IRAK2: variants seen among roughly 807,000 people sequenced by gnomAD.
The protein encoded by IRAK2 is interleukin-1 receptor-associated kinase-like 2.
In IRAK2, 57 loss-of-function variants were observed where a neutral mutation model predicts 72.0. That is an observed-to-expected ratio of 0.79 (90% CI 0.64 to 0.99). The LOEUF is 0.99. Ranked by LOEUF, IRAK2 falls within the 50% of genes least tolerant of loss-of-function variation. The pLI is 0.00. For missense variants in IRAK2, 790 were observed against 794.4 expected (o/e 0.99, Z 0.07); for synonymous variants, 293 against 312.7 (o/e 0.94, Z 0.67).
intron 4 of IRAK2, among the ~76,000 whole-genome samples, 191 bp downstream of exon 4, chr3:10,209,883 G>A (rs1366280888): frequency 6.6e-6 from 1 of 152,052 alleles, no homozygotes; most frequent in African/African-American, 2.4e-5. Flanking sequence ...GAGGGAGGGA[G>A]GGCACTTCAG....
intron 10 of IRAK2, among the ~76,000 whole-genome samples, chr3:10,231,167 A>G (rs1306684244): frequency 1.3e-5 from 2 of 152,198 alleles, no homozygotes; most frequent in African/African-American, 4.8e-5. Context: ...ATAAGTAAAT[A>G]TAAAACCAAA....
At position 10,222,835 on chromosome 3, in the gene IRAK2, A is replaced by C. The variant is rs1697717565; in HGVS notation, c.1209+4A>C. On this transcript the variant is annotated splice_donor_region_variant and intron_variant, in intron 9 of 12. Transcript: ENST00000256458. ...GGACATCTTCAGCTGTGGAATAGTA[A>C]GAGTGTCCTGCTCTGCGTAGAGTGG... The C allele has an allele frequency of 1.2e-6, 2 of 1,613,692 alleles. No individual in the cohort carries two copies. The highest frequency in any genetic ancestry group is 1.7e-5 in the Admixed American group (1 of 60,024).
intron 2 of IRAK2, among the ~76,000 whole-genome samples, chr3:10,196,666 T>C (rs1259131603): frequency 6.6e-6 from 1 of 152,216 alleles, no homozygotes; most frequent in African/African-American, 2.4e-5. Flanking sequence ...CTTACGTCAG[T>C]GGTTCTGGGA....
intron 2 of IRAK2, among the ~76,000 whole-genome samples, chr3:10,180,657 G>A (rs1696947018): frequency 6.6e-6 from 1 of 152,090 alleles, no homozygotes. Context: ...TTCAGCACCT[G>A]CCTATCCCTC....
At position 10,234,626 on chromosome 3, in the gene IRAK2, G is replaced by C; in HGVS notation, c.1440G>C (p.Leu480=). 1 of 1,613,326 alleles carries C rather than the reference G, an allele frequency of 6.2e-7. No individual in the cohort carries two copies. The highest frequency in any genetic ancestry group is 8.5e-7 in the Non-Finnish European group (1 of 1,179,896). The change falls in exon 11 of 13, where the codon CTG becomes CTC. Residue 480 remains leucine (L), a synonymous_variant. Transcript: ENST00000256458. The part of the protein sequence containing the change: ...CAEALATAAC[L]CLRRRNTSLQ... Reference sequence around the variant, plus strand: ...AGGCCCTGGCCACGGCTGCCTGCCTGTGCCTGCGGAGGCGTAACACCAGCC... The same window carrying C: ...AGGCCCTGGCCACGGCTGCCTGCCTCTGCCTGCGGAGGCGTAACACCAGCC...
At chr3:10,214,018 T>A (rs1697563594) in intron 6 of IRAK2, among the ~76,000 whole-genome samples, 2 of 152,022 alleles carry the variant, frequency 1.3e-5, no homozygotes, top group African/African-American at 2.4e-5. Context: ...AATCTCTGCC[T>A]ACCAGGTTCA....
chr3:10,177,803 C>G (rs940413924), intron 1 of IRAK2, 35 bp from the exon 2 acceptor site: 1 of 1,601,122 alleles, frequency 6.2e-7, no homozygotes, highest in Non-Finnish European at 8.5e-7. Context: ...GACTGCCTCT[C>G]TGACTCTAAG....
In IRAK2 at chr3:10,187,183, T is replaced by C. The variant is rs77528931; in HGVS notation, c.277+9163T>C. ...TTTCAGTCCCTCTATAGGTTGGCTT[T>C]GCAGTGTTAACAAATGTACTTACAT... is the stretch of plus-strand genomic sequence containing the variant. On this transcript the variant is annotated intron_variant, in intron 2 of 12. Transcript: ENST00000256458. 8.4e-3 allele frequency among the ~76,000 whole-genome samples: 1,277 copies of C among 152,048 alleles called. 54 individuals are homozygous for C. Among genetic ancestry groups the C allele is most frequent in the South Asian group, 0.083 (401 of 4,822 alleles).
intron 1 of IRAK2, among the ~76,000 whole-genome samples, chr3:10,170,541 C>T (rs149379558): frequency 3.9e-5 from 6 of 152,286 alleles, no homozygotes; most frequent in Admixed American, 3.9e-4. Flanking sequence ...GTTTCATTTC[C>T]CTCATTCCGC....
rs3952702 is a variant in IRAK2, at chr3:10,219,905, C to T, written c.1013+116C>T. The T allele has an allele frequency of 2.1e-5, 15 of 703,572 alleles. No individual in the cohort carries two copies. In the African/African-American group the frequency reaches 2.3e-4, roughly 11 times the overall value. 43.6% of individuals were successfully genotyped at this position (703,572 alleles called of 1,614,324 possible). A position where few individuals can be genotyped will look rare whatever the true frequency, so the allele number is the denominator to read the frequency against. On this transcript the variant is annotated intron_variant, in intron 8 of 12. Transcript: ENST00000256458. ...CCCCTGTCCTCTTTGTTTTTCTCTT[C>T]CTACCTCCTCTCCTCTGCCCTCCCC...
At chr3:10,189,479 G>A (rs187839596) in intron 2 of IRAK2, among the ~76,000 whole-genome samples, 1 of 152,230 alleles carries the variant, frequency 6.6e-6, no homozygotes, top group Non-Finnish European at 1.5e-5. Flanking sequence ...GGGCCTGTGA[G>A]GTTCCAGATG....
chr3:10,229,121 G>A (rs924195423), intron 10 of IRAK2, among the ~76,000 whole-genome samples: 1 of 151,972 alleles, frequency 6.6e-6, no homozygotes, highest in Non-Finnish European at 1.5e-5. Flanking sequence ...TTTTTTAGTA[G>A]TGACAGGGTT....
intron 7 of IRAK2, 37 bp from the exon 8 acceptor site, chr3:10,219,643 T>C (rs774571788): frequency 2.0e-6 from 3 of 1,503,046 alleles, no homozygotes; most frequent in South Asian, 2.3e-5. Context: ...AAAAGGTACA[T>C]TGTGACTATT....
chr3:10,182,556 C>G (rs1386008999), intron 2 of IRAK2, among the ~76,000 whole-genome samples: 1 of 152,118 alleles, frequency 6.6e-6, no homozygotes, highest in South Asian at 2.1e-4. Context: ...GCTGGGATTA[C>G]AGGCGTGAGC....
At chr3:10,173,499 C>T (rs1173982041) in intron 1 of IRAK2, among the ~76,000 whole-genome samples, 1 of 152,176 alleles carries the variant, frequency 6.6e-6, no homozygotes, top group Non-Finnish European at 1.5e-5. Flanking sequence ...CTCATCCCCT[C>T]AAGATCTCTA....
chr3:10,234,632 G>T lies in IRAK2; in HGVS notation c.1446G>T (p.Leu482=). The change falls in exon 11 of 13, where the codon CTG becomes CTT. Residue 482 remains leucine, a synonymous_variant. Coordinates refer to ENST00000256458, the MANE Select transcript of IRAK2 (RefSeq NM_001570.4). Reference sequence around the variant, plus strand: ...TGGCCACGGCTGCCTGCCTGTGCCTGCGGAGGCGTAACACCAGCCTGCAGG... The same window carrying T: ...TGGCCACGGCTGCCTGCCTGTGCCTTCGGAGGCGTAACACCAGCCTGCAGG... ...EALATAACLC[L]RRRNTSLQEV... The T allele has an allele frequency of 6.2e-7, 1 of 1,613,208 alleles. No individual in the cohort carries two copies. Among genetic ancestry groups the T allele is most frequent in the Non-Finnish European group, 8.5e-7 (1 of 1,179,866 alleles).
chr3:10,172,921 C>T lies in IRAK2; in HGVS notation c.95-4917C>T, dbSNP rs371686544. Among the ~76,000 whole-genome samples the T allele has an allele frequency of 1.7e-4, 25 of 151,468 alleles. No homozygotes were observed. The East Asian group carries it at 2.2e-3, about 13-fold the overall frequency. On this transcript the variant is annotated intron_variant, in intron 1 of 12. Coordinates refer to ENST00000256458, the MANE Select transcript of IRAK2 (RefSeq NM_001570.4). ...GTCTCAAACTCCTGACCTCGTTATC[C>T]GCTTGCCTTGGCCTCCCAAAGTGCT...
chr3:10,234,983 C>A (rs1230265916), intron 11 of IRAK2, among the ~76,000 whole-genome samples: 1 of 152,228 alleles, frequency 6.6e-6, no homozygotes, highest in Admixed American at 6.5e-5. Flanking sequence ...GGGAACGGCT[C>A]TGCCCGCAGT....
chr3:10,212,978 C>T (rs542912071), intron 4 of IRAK2, among the ~76,000 whole-genome samples: 1 of 152,056 alleles, frequency 6.6e-6, no homozygotes, highest in East Asian at 1.9e-4. Context: ...CTGTGTTAGC[C>T]AGGATGGTCT....
Sources: gnomAD v4.1 joint callset for allele counts (sites outside exome capture counted in the v4.1 genomes callset) on GRCh38, gnomAD v4.1.1 for gene constraint, MANE v1.5 for transcripts, NCBI Gene and HGNC (gene_info 2026-07-23, HGNC 2026-07-21) for gene names.